The following IL1RAPL1 variants were observed in gnomAD, a reference collection of about 807,000 sequenced individuals.
IL1RAPL1 encodes interleukin 1 receptor accessory protein like 1.
In IL1RAPL1, 3 loss-of-function variants were observed where a neutral mutation model predicts 48.4. The ratio of observed to expected loss-of-function variants is 0.06; its 90% CI spans 0.03 to 0.16. IL1RAPL1 has a LOEUF of 0.16. Ranked by LOEUF, IL1RAPL1 falls within the 10% of genes least tolerant of loss-of-function variation. The probability of loss-of-function intolerance (pLI) is 1.00; values close to 1 mark genes in which losing one functional copy is unlikely to be tolerated. For missense variants in IL1RAPL1, 349 were observed against 530.6 expected (o/e 0.66, Z 3.36); for synonymous variants, 185 against 187.7 (o/e 0.99, Z 0.12).
chrX:28,919,428 C>T (rs1923564609), intron 2 of IL1RAPL1, among the ~76,000 whole-genome samples: 1 of 111,803 alleles, frequency 8.9e-6, no homozygotes, highest in African/African-American at 3.2e-5. Flanking sequence ...AAGATGCTTA[C>T]GATATATGCT....
chrX:29,258,292 A>G (rs1274096074), intron 2 of IL1RAPL1, among the ~76,000 whole-genome samples: 2 of 111,911 alleles, frequency 1.8e-5, no homozygotes, highest in African/African-American at 6.5e-5. Flanking sequence ...TTTAAAAAAT[A>G]TTGAATAACA....
intron 2 of IL1RAPL1, among the ~76,000 whole-genome samples, chrX:29,260,748 A>G (rs1226613274): frequency 9.0e-6 from 1 of 110,848 alleles, no homozygotes; most frequent in Admixed American, 9.7e-5. Context: ...AGATTAATGG[A>G]TTTTAATAAA....
intron 3 of IL1RAPL1, among the ~76,000 whole-genome samples, chrX:29,386,096 C>T (rs1933773624): frequency 8.9e-6 from 1 of 112,029 alleles, no homozygotes; most frequent in South Asian, 3.7e-4. Flanking sequence ...GTAGCACGAT[C>T]TCAGCTCACT....
intron 5 of IL1RAPL1, among the ~76,000 whole-genome samples, chrX:29,540,628 A>T (rs934979407): frequency 2.7e-5 from 3 of 111,442 alleles, no homozygotes; most frequent in African/African-American, 9.8e-5. Context: ...ATAAAGCCGC[A>T]TACCTACAGT....
At chrX:29,024,401 T>C (rs1233322359) in intron 2 of IL1RAPL1, among the ~76,000 whole-genome samples, 1 of 111,945 alleles carries the variant, frequency 8.9e-6, no homozygotes, top group Non-Finnish European at 1.9e-5. Context: ...CACGTAGTGA[T>C]TAACAACACA....
At chrX:29,886,336 C>T (rs971042191) in intron 6 of IL1RAPL1, among the ~76,000 whole-genome samples, 2 of 112,122 alleles carry the variant, frequency 1.8e-5, no homozygotes, top group South Asian at 3.7e-4. Flanking sequence ...ATAACTTATT[C>T]CTTTTCATCT....
At chrX:29,279,265 G>A (rs774296509) in intron 2 of IL1RAPL1, among the ~76,000 whole-genome samples, 1 of 110,512 alleles carries the variant, frequency 9.0e-6, no homozygotes, top group Non-Finnish European at 1.9e-5. Context: ...GTGAAACCAC[G>A]TCTCTACTAA....
At chrX:29,664,199 T>C (rs916142542) in intron 5 of IL1RAPL1, among the ~76,000 whole-genome samples, 1 of 111,144 alleles carries the variant, frequency 9.0e-6, no homozygotes, top group African/African-American at 3.3e-5. Context: ...GGTCAGGAGA[T>C]CGAGACCAGC....
chrX:29,371,391 C>G (rs746036043), intron 3 of IL1RAPL1, among the ~76,000 whole-genome samples: 1 of 111,357 alleles, frequency 9.0e-6, no homozygotes, highest in East Asian at 2.8e-4. Flanking sequence ...CTCGGCCTCC[C>G]AGAGTGCTGG....
At chrX:29,563,618 T>G (rs1922308898) in intron 5 of IL1RAPL1, among the ~76,000 whole-genome samples, 1 of 112,740 alleles carries the variant, frequency 8.9e-6, no homozygotes, top group Non-Finnish European at 1.9e-5. Context: ...TGAAAGTTCT[T>G]CTTTAATGAA....
chrX:29,594,153 G>T (rs1022486490), intron 5 of IL1RAPL1, among the ~76,000 whole-genome samples: 2 of 112,272 alleles, frequency 1.8e-5, no homozygotes, highest in African/African-American at 6.5e-5. Flanking sequence ...AGAGAATCTG[G>T]CTTATCTTTC....
At chrX:29,251,581 T>C (rs1485178759) in intron 2 of IL1RAPL1, among the ~76,000 whole-genome samples, 1 of 111,395 alleles carries the variant, frequency 9.0e-6, no homozygotes, top group Non-Finnish European at 1.9e-5. Context: ...AGAATCTCTT[T>C]TTGATAGGCT....
At chrX:29,676,556 C>T (rs1926290381) in intron 6 of IL1RAPL1, among the ~76,000 whole-genome samples, 1 of 111,230 alleles carries the variant, frequency 9.0e-6, no homozygotes, top group Non-Finnish European at 1.9e-5. Context: ...TTCATCAAGT[C>T]TAGCCAAATG....
At chrX:29,723,874 G>T (rs1431124546) in intron 6 of IL1RAPL1, among the ~76,000 whole-genome samples, 2 of 111,080 alleles carry the variant, frequency 1.8e-5, no homozygotes, top group Non-Finnish European at 3.8e-5. Flanking sequence ...GAGTACAGTG[G>T]TGTGATCTGA....
intron 2 of IL1RAPL1, among the ~76,000 whole-genome samples, chrX:29,171,886 G>T (rs1302798803): frequency 8.9e-6 from 1 of 112,159 alleles, no homozygotes; most frequent in Non-Finnish European, 1.9e-5. Context: ...TGTTTATTGT[G>T]GTTTTTTAAT....
intron 3 of IL1RAPL1, among the ~76,000 whole-genome samples, chrX:29,364,121 A>G (rs1349609916): frequency 8.9e-6 from 1 of 112,468 alleles, no homozygotes; most frequent in Non-Finnish European, 1.9e-5. Flanking sequence ...GTTATATTTA[A>G]TTTACTTGTT....
At chrX:28,948,859 A>C (rs1383137790) in intron 2 of IL1RAPL1, among the ~76,000 whole-genome samples, 1 of 111,124 alleles carries the variant, frequency 9.0e-6, no homozygotes, top group Non-Finnish European at 1.9e-5. Flanking sequence ...TTTATAAAGT[A>C]AGCACAGTAA....
intron 2 of IL1RAPL1, among the ~76,000 whole-genome samples, chrX:29,015,716 G>T (rs1926226605): frequency 9.1e-6 from 1 of 110,439 alleles, no homozygotes; most frequent in Non-Finnish European, 1.9e-5. Context: ...GGTAACTCAA[G>T]CCAAGTGAAT....
chrX:29,202,651 A>G (rs1031262958), intron 2 of IL1RAPL1, among the ~76,000 whole-genome samples: 1 of 112,218 alleles, frequency 8.9e-6, no homozygotes, highest in Non-Finnish European at 1.9e-5. Context: ...ACTGTGGTAC[A>G]TATACACCAT....
Sources: gnomAD v4.1 joint callset for allele counts (sites outside exome capture counted in the v4.1 genomes callset) on GRCh38, gnomAD v4.1.1 for gene constraint, MANE v1.5 for transcripts, NCBI Gene and HGNC (gene_info 2026-07-23, HGNC 2026-07-21) for gene names.